NOTCH2NLC: variants seen among roughly 807,000 people sequenced by gnomAD.
NOTCH2NLC encodes notch homolog 2 N-terminal-like protein C.
Under a neutral mutation model 17.7 loss-of-function variants are expected in NOTCH2NLC, and 4 were observed. The observed-to-expected ratio is 0.23, with a 90% CI of 0.11 to 0.52. NOTCH2NLC has a LOEUF of 0.52. Among genes scored for constraint, NOTCH2NLC ranks in the 20% least tolerant of loss-of-function variants. NOTCH2NLC has a pLI of 0.96. For synonymous variants in NOTCH2NLC, 18 were observed against 86.0 expected, an observed-to-expected ratio of 0.21 and a Z score of 4.38; for missense variants, 57 against 207.2, an observed-to-expected ratio of 0.28 and a Z score of 4.45.
intron 2 of NOTCH2NLC, among the ~76,000 whole-genome samples, chr1:149,449,154 T>A (rs1347946184): frequency 6.6e-6 from 1 of 150,810 alleles, no homozygotes; most frequent in African/African-American, 2.4e-5. Flanking sequence ...GTGCTGAGAT[T>A]ACTGGTGTGA....
chr1:149,444,832 G>A (rs1411688078), intron 2 of NOTCH2NLC, among the ~76,000 whole-genome samples: 1 of 142,152 alleles, frequency 7.0e-6, no homozygotes, highest in Non-Finnish European at 1.6e-5. Context: ...ACACTAGAAA[G>A]TGTGTTTTAC....
intron 1 of NOTCH2NLC, among the ~76,000 whole-genome samples, 160 bp from the exon 2 acceptor site, chr1:149,430,782 A>G (rs1397715886): frequency 6.8e-6 from 1 of 147,986 alleles, no homozygotes; most frequent in Non-Finnish European, 1.5e-5. Context: ...CTTCTGTGCT[A>G]GAAGCCAAAA....
At chr1:149,454,651 T>A (rs1489067205) in intron 2 of NOTCH2NLC, among the ~76,000 whole-genome samples, 3 of 151,254 alleles carry the variant, frequency 2.0e-5, no homozygotes, top group Non-Finnish European at 4.4e-5. Flanking sequence ...TACTTAAATA[T>A]TAACAGATTT....
At chr1:149,431,134 C>T in intron 2 of NOTCH2NLC, 119 bp downstream of exon 2, 1 of 129,880 alleles carries the variant, frequency 7.7e-6, no homozygotes, top group Non-Finnish European at 1.4e-5. Flanking sequence ...TTTCCTGGTA[C>T]AGATTTTGGT....
chr1:149,396,052 C>G (rs2084206938), intron 1 of NOTCH2NLC, among the ~76,000 whole-genome samples: 1 of 151,132 alleles, frequency 6.6e-6, no homozygotes, highest in Non-Finnish European at 1.5e-5. Context: ...GTCACAGCAT[C>G]TATGACTCCT....
At chr1:149,435,452 G>A in intron 2 of NOTCH2NLC, among the ~76,000 whole-genome samples, 1 of 148,568 alleles carries the variant, frequency 6.7e-6, no homozygotes, top group East Asian at 2.1e-4. Flanking sequence ...CTTCTGTTCT[G>A]CCCTTAGTCC....
At position 149,466,280 on chromosome 1, in the gene NOTCH2NLC, T is replaced by TG. The variant is rs2084683690; in HGVS notation, c.*2127_*2128insG. On this transcript the variant is annotated 3_prime_UTR_variant, in exon 5 of 5. Transcript: ENST00000650865. ...TGTGTGTGTGTGTGTGTGTGTGGTA[T>TG]ATATATATATATCGCATTGTGCAGA... 1 of 148,310 alleles carries TG rather than the reference T, an allele frequency of 6.7e-6. No homozygotes were observed. Among genetic ancestry groups the TG allele is most frequent in the Non-Finnish European group, 1.5e-5 (1 of 67,034 alleles). The allele number at this position is 148,310 out of a possible 1,614,324, so 9.2% of individuals were successfully genotyped here. A position where few individuals can be genotyped will look rare whatever the true frequency, so the allele number is the denominator to read the frequency against.
At chr1:149,430,398 T>C (rs1331319843) in intron 1 of NOTCH2NLC, among the ~76,000 whole-genome samples, 1 of 139,884 alleles carries the variant, frequency 7.1e-6, no homozygotes, top group Non-Finnish European at 1.6e-5. Context: ...TTCTCCTTTT[T>C]TCTGGATCCT....
chr1:149,446,605 G>A (rs1168811321), intron 2 of NOTCH2NLC, among the ~76,000 whole-genome samples: 1 of 149,164 alleles, frequency 6.7e-6, no homozygotes, highest in African/African-American at 2.5e-5. Flanking sequence ...CACAGTGCTG[G>A]GATTACAGGT....
At chr1:149,398,152 C>G (rs1452653202) in intron 1 of NOTCH2NLC, among the ~76,000 whole-genome samples, 4,792 of 151,246 alleles carry the variant, frequency 0.032, 451 homozygotes, top group East Asian at 0.25. Flanking sequence ...AAGGCGACCT[C>G]CAGCTCACCC....
chr1:149,445,544 T>G (rs1422104255), intron 2 of NOTCH2NLC, among the ~76,000 whole-genome samples: 1 of 148,962 alleles, frequency 6.7e-6, no homozygotes, highest in African/African-American at 2.5e-5. Context: ...TCATTTACCT[T>G]AACGACAGCT....
intron 1 of NOTCH2NLC, among the ~76,000 whole-genome samples, chr1:149,394,495 T>A (rs1484184818): frequency 6.6e-6 from 1 of 151,142 alleles, no homozygotes; most frequent in African/African-American, 2.4e-5. Context: ...TTAGAAGGGC[T>A]TCATATATTT....
At chr1:149,410,313 C>T (rs2084291948) in intron 1 of NOTCH2NLC, among the ~76,000 whole-genome samples, 1 of 149,260 alleles carries the variant, frequency 6.7e-6, no homozygotes, top group African/African-American at 2.5e-5. Context: ...ATTTAGAAAT[C>T]CTTTACCAGA....
At chr1:149,445,559 C>A (rs1435937510) in intron 2 of NOTCH2NLC, among the ~76,000 whole-genome samples, 4 of 149,784 alleles carry the variant, frequency 2.7e-5, no homozygotes, top group African/African-American at 9.8e-5. Flanking sequence ...ACAGCTCCCC[C>A]CTCTAGAGCT....
chr1:149,399,866 A>G (rs1236554307), intron 1 of NOTCH2NLC, among the ~76,000 whole-genome samples: 3 of 148,782 alleles, frequency 2.0e-5, no homozygotes, highest in Admixed American at 1.3e-4. Context: ...TTTACGTAGC[A>G]ACAGAATTAT....
intron 3 of NOTCH2NLC, among the ~76,000 whole-genome samples, chr1:149,460,732 A>G (rs2084639698): frequency 6.7e-6 from 1 of 148,302 alleles, no homozygotes; most frequent in Non-Finnish European, 1.5e-5. Context: ...TGATAGCGCT[A>G]TACCTCAGTC....
chr1:149,430,794 A>G (rs1288895536), intron 1 of NOTCH2NLC, 148 bp from the exon 2 acceptor site: 9 of 458,148 alleles, frequency 2.0e-5, no homozygotes, highest in African/African-American at 1.7e-4. Flanking sequence ...AAGCCAAAAC[A>G]TAAAAAACTG....
chr1:149,393,005 G>C (rs1211933104), intron 1 of NOTCH2NLC, among the ~76,000 whole-genome samples: 1 of 143,554 alleles, frequency 7.0e-6, no homozygotes, highest in East Asian at 2.1e-4. Flanking sequence ...GGGAGGCGGA[G>C]CTTGCAGTGA....
intron 2 of NOTCH2NLC, among the ~76,000 whole-genome samples, chr1:149,449,850 GCATATTCTGGACATTT>G (rs2084581476): frequency 1.3e-5 from 2 of 150,778 alleles, no homozygotes; most frequent in South Asian, 4.2e-4. Flanking sequence ...CTACGGATTT[GCATATTCTGGACATTT>G]CATATAAATG....
Sources: allele counts gnomAD v4.1 joint callset (sites outside exome capture counted in the v4.1 genomes callset), GRCh38; gene constraint gnomAD v4.1.1; transcripts MANE v1.5; gene names NCBI Gene and HGNC (gene_info 2026-07-23, HGNC 2026-07-21).